Variants in ELAPOR1 observed in about 807,000 individuals in gnomAD.
ELAPOR1 encodes endosome/lysosome-associated apoptosis and autophagy regulator 1.
ELAPOR1 carries 77 observed loss-of-function variants against 119.7 expected under a neutral mutation model. The ratio of observed to expected loss-of-function variants is 0.64; its 90% CI spans 0.54 to 0.78. The LOEUF is 0.78. Ranked by LOEUF, ELAPOR1 falls within the 30% of genes least tolerant of loss-of-function variation. ELAPOR1 has a pLI of 0.00. For missense variants in ELAPOR1, 1,115 were observed against 1,270.4 expected, an observed-to-expected ratio of 0.88 and a Z score of 1.86; for synonymous variants, 481 against 487.2, an observed-to-expected ratio of 0.99 and a Z score of 0.17.
At position 109,188,253 on chromosome 1, in the gene ELAPOR1, C is replaced by A; in HGVS notation, c.1118C>A (p.Ser373Tyr). Reference sequence around the variant, plus strand: ...GAGGGGGCAGTGAAGCTGCCTGCCTCTGGTGTGAAGACCCACTGCCCACCC... The same window carrying A: ...GAGGGGGCAGTGAAGCTGCCTGCCTATGGTGTGAAGACCCACTGCCCACCC... ...DLEGAVKLPA[S>Y]GVKTHCPPCN... Residue 373 changes from serine to tyrosine, a missense_variant, in exon 9 of 22, where the codon TCT becomes TAT. Transcript: ENST00000369939. 6.2e-7 allele frequency: 1 copy of A among 1,614,208 alleles called. No individual in the cohort carries two copies. Among genetic ancestry groups the A allele is most frequent in the Non-Finnish European group, 8.5e-7 (1 of 1,180,012 alleles).
At chr1:109,163,776 A>G (rs1651409965) in intron 2 of ELAPOR1, among the ~76,000 whole-genome samples, 1 of 152,198 alleles carries the variant, frequency 6.6e-6, no homozygotes. Context: ...AGGATATTGC[A>G]ATGATTGAGT....
intron 1 of ELAPOR1, 127 bp from the exon 2 acceptor site, chr1:109,161,767 C>A: frequency 1.8e-6 from 2 of 1,127,732 alleles, no homozygotes; most frequent in Non-Finnish European, 2.6e-6. Flanking sequence ...AGCTCCCTGC[C>A]CGGGGTCCCA....
At chr1:109,172,429 G>A in intron 4 of ELAPOR1, 59 bp from the exon 5 acceptor site, 2 of 1,294,432 alleles carry the variant, frequency 1.5e-6, no homozygotes, top group East Asian at 2.3e-5. Flanking sequence ...GCAATGTGGG[G>A]AAAGGTATCC....
In ELAPOR1 at chr1:109,173,558, G is replaced by C. The variant is rs1386553358; in HGVS notation, c.781G>C (p.Val261Leu). The change falls in exon 6 of 22, where the codon GTG becomes CTG. Residue 261 changes from valine (V) to leucine (L), a missense_variant. Transcript: ENST00000369939. ...GACCAAAGTACCCAAGCCTGTGCTGGTGAGAAACATTGCCATAACAGGTAC... is the reference window on the plus strand; with the variant it reads ...GACCAAAGTACCCAAGCCTGTGCTGCTGAGAAACATTGCCATAACAGGTAC... ...VWTKVPKPVLVRNIAITGVAY... is the reference protein window; with the variant it reads ...VWTKVPKPVLLRNIAITGVAY... 6.2e-7 allele frequency: 1 copy of C among 1,614,048 alleles called. No homozygotes were observed. The highest frequency in any genetic ancestry group is 1.3e-5 in the African/African-American group (1 of 74,918).
chr1:109,200,862 A>C lies in ELAPOR1; in HGVS notation c.2935A>C (p.Lys979Gln). Residue 979 changes from lysine (K) to glutamine (Q), a missense_variant, in exon 21 of 22, where the codon AAG becomes CAG. Transcript: ENST00000369939. The stretch of plus-strand genomic sequence containing the variant: ...GGACGACCTCATCTTTACCAGCAAG[A>C]AGTCACTCTTTGGGAAGATCAAATC... Reference protein sequence around the residue: ...VEDDLIFTSKKSLFGKIKSFT... With the variant: ...VEDDLIFTSKQSLFGKIKSFT... The C allele has an allele frequency of 6.2e-7, 1 of 1,614,188 alleles. No individual in the cohort carries two copies. The highest frequency in any genetic ancestry group is 8.5e-7 in the Non-Finnish European group (1 of 1,180,022).
rs199906517 is a variant in ELAPOR1 at position 109,198,594 on chromosome 1, C to T, written c.2421C>T (p.Ser807=). Residue 807 remains serine (S), a synonymous_variant, in exon 18 of 22, where the codon TCC becomes TCT. Transcript: ENST00000369939. Reference sequence around the variant, plus strand: ...GCAGGTCCAATGATGTGACCCAGTCCTGCAGTTCTGGGAGATCAACCACCA... The same window carrying T: ...GCAGGTCCAATGATGTGACCCAGTCTTGCAGTTCTGGGAGATCAACCACCA... The part of the protein sequence containing the change: ...FFYRSNDVTQ[S]CSSGRSTTIR... 369 of 1,613,716 alleles carry T rather than the reference C, an allele frequency of 2.3e-4. No homozygotes were observed. Among genetic ancestry groups the T allele is most frequent in the Non-Finnish European group, 3.0e-4 (357 of 1,179,934 alleles).
At chr1:109,178,594 A>G (rs1229722613) in intron 7 of ELAPOR1, among the ~76,000 whole-genome samples, 1 of 152,198 alleles carries the variant, frequency 6.6e-6, no homozygotes, top group Non-Finnish European at 1.5e-5. Flanking sequence ...CTTATGTTGA[A>G]AAGGAAATGT....
At position 109,203,073 on chromosome 1, in the gene ELAPOR1, G is replaced by T. The variant is rs1437951710; in HGVS notation, c.*61G>T. The T allele has an allele frequency of 2.6e-6, 3 of 1,167,344 alleles. No homozygotes were observed. The highest frequency in any genetic ancestry group is 3.8e-6 in the Non-Finnish European group (3 of 790,184). 72.3% of individuals were successfully genotyped at this position (1,167,344 alleles called of 1,614,324 possible). On this transcript the variant is annotated 3_prime_UTR_variant, in exon 22 of 22. Coordinates refer to ENST00000369939, the MANE Select transcript of ELAPOR1 (RefSeq NM_020775.5). ...CATAGCACCTTTGCAAGCCTGCGGCGATTTGGGTGCCAGCATCCTGCAACA... is the reference window on the plus strand; with the variant it reads ...CATAGCACCTTTGCAAGCCTGCGGCTATTTGGGTGCCAGCATCCTGCAACA...
chr1:109,122,356 TAAAAA>T (rs71069650), intron 1 of ELAPOR1, among the ~76,000 whole-genome samples: 3 of 115,028 alleles, frequency 2.6e-5, no homozygotes, highest in Non-Finnish European at 3.6e-5. Flanking sequence ...ACCTTTCCAT[TAAAAA>T]AAAAAAAAAA....
At chr1:109,137,937 C>T (rs10494105) in intron 1 of ELAPOR1, among the ~76,000 whole-genome samples, 11,894 of 152,320 alleles carry the variant, frequency 0.078, 520 homozygotes, top group Non-Finnish European at 0.09. Flanking sequence ...ACAAACTTTT[C>T]TAATTCCTTA....
chr1:109,173,766 T>G lies in ELAPOR1; in HGVS notation c.881T>G (p.Leu294Arg), dbSNP rs200433387. 1.3e-5 allele frequency: 21 copies of G among 1,614,098 alleles called. No individual in the cohort carries two copies. Among genetic ancestry groups the G allele is most frequent in the Non-Finnish European group, 8.5e-6 (10 of 1,180,008 alleles). The part of the protein sequence containing the change: ...ADKQGSSFCK[L>R]CPANSYSNKG... Reference sequence around the variant, plus strand: ...AAGCAGGGCTCCTCTTTCTGCAAACTTTGCCCAGCCAACTCTTATTCAAAT... The same window carrying G: ...AAGCAGGGCTCCTCTTTCTGCAAACGTTGCCCAGCCAACTCTTATTCAAAT... Residue 294 changes from leucine to arginine, a missense_variant, in exon 7 of 22, where the codon CTT (leucine) becomes CGT (arginine). Physicochemically the swap from Leu to Arg is moderately radical, Grantham distance 102. Coordinates refer to ENST00000369939, the MANE Select transcript of ELAPOR1 (RefSeq NM_020775.5).
At chr1:109,198,425 A>G (rs1653961039) in intron 17 of ELAPOR1, 148 bp from the exon 18 acceptor site, 3 of 668,042 alleles carry the variant, frequency 4.5e-6, no homozygotes, top group Non-Finnish European at 7.7e-6. Context: ...CGTATAAACC[A>G]AGGCCTGTGC....
At chr1:109,125,633 C>T (rs932135218) in intron 1 of ELAPOR1, among the ~76,000 whole-genome samples, 1 of 152,036 alleles carries the variant, frequency 6.6e-6, no homozygotes, top group Non-Finnish European at 1.5e-5. Context: ...ATCTGCCCGC[C>T]TTGGCCTCCC....
Position 109,200,888 on chromosome 1 carries a change from A to G in ELAPOR1, c.2961A>G (p.Ser987=). Residue 987 remains serine, a synonymous_variant, in exon 21 of 22, where the codon TCA becomes TCG. Transcript: ENST00000369939. The part of the protein sequence containing the change: ...SKKSLFGKIK[S]FTSKRTPDGF... The stretch of plus-strand genomic sequence containing the variant: ...AGTCACTCTTTGGGAAGATCAAATC[A>G]TTTACCTCCAAGGTAGGGGTCCTGG... The G allele has an allele frequency of 6.2e-7, 1 of 1,613,894 alleles. No homozygotes were observed.
At chr1:109,116,218 T>C (rs918166568) in intron 1 of ELAPOR1, among the ~76,000 whole-genome samples, 4 of 152,218 alleles carry the variant, frequency 2.6e-5, no homozygotes, top group African/African-American at 9.6e-5. Flanking sequence ...TGCCACAAAG[T>C]GTAAGCTTAA....
intron 1 of ELAPOR1, among the ~76,000 whole-genome samples, chr1:109,153,653 GTTTTGAGAC>G (rs1268268673): frequency 1.3e-5 from 2 of 150,766 alleles, no homozygotes; most frequent in African/African-American, 4.9e-5. Flanking sequence ...GTTTTGTTTT[GTTTTGAGAC>G]AGAGTCTCGC....
At chr1:109,191,694 G>A (rs200628194) in intron 12 of ELAPOR1, 32 bp from the exon 13 acceptor site, 105 of 1,612,542 alleles carry the variant, frequency 6.5e-5, no homozygotes, top group South Asian at 8.8e-5. Context: ...TCTGGCCATC[G>A]CACCCGCTTC....
chr1:109,160,713 A>G (rs1651194493), intron 1 of ELAPOR1, among the ~76,000 whole-genome samples: 1 of 152,250 alleles, frequency 6.6e-6, no homozygotes. Context: ...TGCATACAGT[A>G]ATACAAAATA....
intron 1 of ELAPOR1, among the ~76,000 whole-genome samples, chr1:109,142,893 C>T (rs574455210): frequency 1.3e-5 from 2 of 152,086 alleles, no homozygotes; most frequent in South Asian, 4.1e-4. Context: ...AAAGTAGAAA[C>T]AACCCAAATG....
Sources: allele counts gnomAD v4.1 joint callset (sites outside exome capture counted in the v4.1 genomes callset), GRCh38; gene constraint gnomAD v4.1.1; transcripts MANE v1.5; gene names NCBI Gene and HGNC (gene_info 2026-07-23, HGNC 2026-07-21).